Variants in SCRG1 observed in about 807,000 individuals in gnomAD.
SCRG1 encodes scrapie-responsive protein 1.
Under a neutral mutation model 7.7 loss-of-function variants are expected in SCRG1, and 3 were observed. The observed-to-expected ratio is 0.39, with a 90% confidence interval of 0.18 to 1.01. The LOEUF is 1.01. SCRG1 is among the 50% of genes least tolerant of loss of function. SCRG1 has a pLI of 0.36. For missense variants in SCRG1, 110 were observed against 117.2 expected (o/e 0.94, Z 0.28); for synonymous variants, 46 against 41.2 (o/e 1.12, Z -0.44).
the SCRG1 span, among the ~76,000 whole-genome samples, chr4:173,499,298 C>A: frequency 8.7e-4 from 133 of 152,300 alleles, no homozygotes; most frequent in African/African-American, 3.0e-3. The surrounding 1 kb of genome is among the most constrained non-coding windows in gnomAD (Gnocchi z 4.1). Flanking sequence ...CCATCCTATC[C>A]GTGTTCCCTG....
chr4:173,488,251 A>C, the SCRG1 span, among the ~76,000 whole-genome samples: 1 of 152,150 alleles, frequency 6.6e-6, no homozygotes, highest in Non-Finnish European at 1.5e-5. Flanking sequence ...TCCTCCCTAC[A>C]GTCACGTGAC....
chr4:173,473,551 C>T, the SCRG1 span, among the ~76,000 whole-genome samples: 1 of 152,038 alleles, frequency 6.6e-6, no homozygotes, highest in East Asian at 1.9e-4. Context: ...TGGGATTAAT[C>T]CTGAAAAATG....
the SCRG1 span, among the ~76,000 whole-genome samples, chr4:173,452,786 T>C: frequency 3.3e-5 from 5 of 152,360 alleles, no homozygotes; most frequent in African/African-American, 1.2e-4. Context: ...TTTGTCTTAT[T>C]TTCAATATCA....
At chr4:173,506,335 T>A in the SCRG1 span, among the ~76,000 whole-genome samples, 4 of 152,290 alleles carry the variant, frequency 2.6e-5, no homozygotes, top group African/African-American at 9.6e-5. This position sits in a 1 kb window ranked among gnomAD's most constrained non-coding sequence, Gnocchi z 5.3. Context: ...TGCTAGAGGC[T>A]CGTGGAGGGC....
At chr4:173,408,517 GATTT>G (rs1236262116), upstream of SCRG1, among the ~76,000 whole-genome samples, 2 of 152,018 alleles carry the variant, frequency 1.3e-5, no homozygotes, top group Non-Finnish European at 2.9e-5. Context: ...AATTTTAAGT[GATTT>G]ATTATGTGTC....
the SCRG1 span, among the ~76,000 whole-genome samples, chr4:173,484,539 A>ATATACATATAATATATATTATATATTG: frequency 1.7e-5 from 1 of 57,990 alleles, no homozygotes; most frequent in Non-Finnish European, 3.1e-5. Flanking sequence ...ATTATATATT[A>ATATACATATAATATATATTATATATTG]TGTATATTTT....
the SCRG1 span, among the ~76,000 whole-genome samples, chr4:173,437,315 C>G: frequency 3.9e-5 from 6 of 152,140 alleles, no homozygotes; most frequent in Non-Finnish European, 7.3e-5. Flanking sequence ...GTGTGGGCAT[C>G]CTTTCTAATT....
At chr4:173,443,943 T>G in the SCRG1 span, among the ~76,000 whole-genome samples, 2 of 138,696 alleles carry the variant, frequency 1.4e-5, no homozygotes, top group Admixed American at 7.2e-5. Flanking sequence ...AGAGCTTGTT[T>G]TGTGTGTGTG....
the SCRG1 span, among the ~76,000 whole-genome samples, chr4:173,509,693 T>C: frequency 6.6e-6 from 1 of 151,744 alleles, no homozygotes; most frequent in Non-Finnish European, 1.5e-5. The surrounding 1 kb of genome is among the most constrained non-coding windows in gnomAD (Gnocchi z 5.7). Flanking sequence ...GGACTCGGGG[T>C]GTCGGGCGGT....
chr4:173,429,980 T>G, the SCRG1 span, among the ~76,000 whole-genome samples: 1 of 125,696 alleles, frequency 8.0e-6, no homozygotes, highest in Non-Finnish European at 1.7e-5. Flanking sequence ...CCCTGCAAAC[T>G]GATCTTTTGA....
chr4:173,429,026 G>T, the SCRG1 span, among the ~76,000 whole-genome samples: 1 of 152,064 alleles, frequency 6.6e-6, no homozygotes, highest in Admixed American at 6.6e-5. Flanking sequence ...TGATCAAATT[G>T]AAAGTTAATT....
At chr4:173,416,433 C>T in the SCRG1 span, among the ~76,000 whole-genome samples, 2 of 152,228 alleles carry the variant, frequency 1.3e-5, no homozygotes, top group Non-Finnish European at 2.9e-5. Context: ...TCTCATACCT[C>T]TGCTCAAAAG....
the SCRG1 span, among the ~76,000 whole-genome samples, chr4:173,415,489 A>G: frequency 1.3e-5 from 2 of 152,176 alleles, no homozygotes; most frequent in African/African-American, 4.8e-5. Context: ...CCAGATAACC[A>G]TGGCCATTAT....
chr4:173,466,746 T>C, the SCRG1 span, among the ~76,000 whole-genome samples: 8 of 152,216 alleles, frequency 5.3e-5, no homozygotes, highest in Non-Finnish European at 1.2e-4. Context: ...GACAAAGTAA[T>C]GTACTTCACA....
upstream of SCRG1, among the ~76,000 whole-genome samples, chr4:173,410,768 G>A (rs1740018777): frequency 6.6e-6 from 1 of 151,996 alleles, no homozygotes; most frequent in Non-Finnish European, 1.5e-5. Context: ...TTTGACTACT[G>A]GACTTTTTAA....
chr4:173,416,134 C>T, the SCRG1 span, among the ~76,000 whole-genome samples: 1 of 152,288 alleles, frequency 6.6e-6, no homozygotes, highest in Middle Eastern at 3.4e-3. Context: ...AGTCATCTGC[C>T]CACTTCCAGT....
chr4:173,415,855 G>T, the SCRG1 span, among the ~76,000 whole-genome samples: 3 of 152,216 alleles, frequency 2.0e-5, no homozygotes, highest in Non-Finnish European at 4.4e-5. Context: ...CCACTGTGCT[G>T]TGTGGCTGCA....
the SCRG1 span, among the ~76,000 whole-genome samples, chr4:173,482,914 A>G: frequency 7.2e-6 from 1 of 139,580 alleles, no homozygotes; most frequent in African/African-American, 2.6e-5. Context: ...TATTAAATAT[A>G]TAATACATAT....
At chr4:173,453,812 C>T in the SCRG1 span, among the ~76,000 whole-genome samples, 4 of 152,256 alleles carry the variant, frequency 2.6e-5, no homozygotes, top group Admixed American at 1.3e-4. Context: ...TGTGGTGGCT[C>T]ATGCCTGTAA....
Sources: gnomAD v4.1 joint callset for allele counts (sites outside exome capture counted in the v4.1 genomes callset) on GRCh38, gnomAD v4.1.1 for gene constraint, Gnocchi (gnomAD v3.1) non-coding constraint, MANE v1.5 for transcripts, NCBI Gene and HGNC (gene_info 2026-07-23, HGNC 2026-07-21) for gene names.